Variants in CNTNAP5 observed in about 807,000 individuals in gnomAD.
CNTNAP5 encodes contactin associated protein family member 5, also known as contactin-associated protein-like 5.
In CNTNAP5, 72 loss-of-function variants were observed where a neutral mutation model predicts 150.2. That is an observed-to-expected ratio of 0.48 (90% CI 0.40 to 0.58). The LOEUF is 0.58. Ranked by LOEUF, CNTNAP5 falls within the 20% of genes least tolerant of loss-of-function variation. The pLI is 0.00. For synonymous variants in CNTNAP5, 672 were observed against 619.8 expected, an observed-to-expected ratio of 1.08 and a Z score of -1.25; for missense variants, 1,636 against 1,626.2, an observed-to-expected ratio of 1.01 and a Z score of -0.10.
At chr2:124,380,506 G>A (rs1690762601) in intron 3 of CNTNAP5, among the ~76,000 whole-genome samples, 1 of 152,152 alleles carries the variant, frequency 6.6e-6, no homozygotes, top group Admixed American at 6.6e-5. Context: ...AGTCCATTCT[G>A]TCTCCATCAA....
intron 13 of CNTNAP5, among the ~76,000 whole-genome samples, chr2:124,657,369 A>C (rs921619799): frequency 1.3e-5 from 2 of 152,022 alleles, no homozygotes; most frequent in Admixed American, 1.3e-4. Flanking sequence ...TGAGTTTTTT[A>C]AGACCAAAAC....
chr2:124,109,997 T>C (rs1172844570), intron 1 of CNTNAP5, among the ~76,000 whole-genome samples: 1 of 152,204 alleles, frequency 6.6e-6, no homozygotes, highest in Non-Finnish European at 1.5e-5. Flanking sequence ...CAACAAGTGC[T>C]CACAAGTACT....
At chr2:124,383,058 C>A (rs1400813381) in intron 3 of CNTNAP5, among the ~76,000 whole-genome samples, 1 of 152,168 alleles carries the variant, frequency 6.6e-6, no homozygotes, top group East Asian at 1.9e-4. Context: ...TGCATATACA[C>A]CTTCAGTTTC....
At chr2:124,608,318 G>A (rs1175385067) in intron 11 of CNTNAP5, among the ~76,000 whole-genome samples, 1 of 152,192 alleles carries the variant, frequency 6.6e-6, no homozygotes, top group Non-Finnish European at 1.5e-5. Context: ...ATATGAGACA[G>A]TAGATGTCTC....
intron 1 of CNTNAP5, among the ~76,000 whole-genome samples, chr2:124,188,715 T>G (rs1349598816): frequency 5.3e-5 from 1 of 18,904 alleles, no homozygotes; most frequent in Non-Finnish European, 1.1e-4. Flanking sequence ...AGACTCTGTC[T>G]CAAAAAAAAA....
chr2:124,462,118 T>C (rs1427891895), intron 6 of CNTNAP5, among the ~76,000 whole-genome samples: 1 of 151,932 alleles, frequency 6.6e-6, no homozygotes, highest in Non-Finnish European at 1.5e-5. Context: ...TGAAGAAGTC[T>C]CCAATCCCTA....
At chr2:124,861,123 C>T (rs761820962) in intron 19 of CNTNAP5, among the ~76,000 whole-genome samples, 1 of 151,244 alleles carries the variant, frequency 6.6e-6, no homozygotes, top group Admixed American at 6.6e-5. Context: ...AGGAGTGTAA[C>T]GATGTCTAGT....
At chr2:124,579,936 G>A (rs1696372328) in intron 11 of CNTNAP5, among the ~76,000 whole-genome samples, 1 of 152,232 alleles carries the variant, frequency 6.6e-6, no homozygotes, top group Non-Finnish European at 1.5e-5. Flanking sequence ...AAACCAAAGT[G>A]TAGTCACTTA....
At chr2:124,133,858 GTA>G (rs1354134477) in intron 1 of CNTNAP5, among the ~76,000 whole-genome samples, 1 of 152,162 alleles carries the variant, frequency 6.6e-6, no homozygotes, top group Non-Finnish European at 1.5e-5. Flanking sequence ...ACCCCATAGT[GTA>G]TATTTTATTG....
At chr2:124,713,241 T>C (rs201901746) in intron 13 of CNTNAP5, among the ~76,000 whole-genome samples, 14 of 56,026 alleles carry the variant, frequency 2.5e-4, no homozygotes, top group South Asian at 7.6e-4. Flanking sequence ...CTTTCTTTCT[T>C]TCTCTTTCTT....
intron 3 of CNTNAP5, among the ~76,000 whole-genome samples, chr2:124,339,153 T>A (rs1051751788): frequency 2.0e-5 from 3 of 152,132 alleles, no homozygotes; most frequent in Non-Finnish European, 4.4e-5. Flanking sequence ...ATAAAGAAAG[T>A]TCTTGGACTT....
intron 3 of CNTNAP5, among the ~76,000 whole-genome samples, chr2:124,244,475 T>C (rs1028096296): frequency 2.0e-5 from 3 of 152,132 alleles, no homozygotes; most frequent in African/African-American, 7.2e-5. Flanking sequence ...CAGGTAGAAG[T>C]TGCTGGATGG....
In CNTNAP5 at chr2:124,772,987, C is replaced by A; in HGVS notation, c.2722C>A (p.Arg908=). The A allele has an allele frequency of 6.2e-7, 1 of 1,613,254 alleles. No homozygotes were observed. Among genetic ancestry groups the A allele is most frequent in the South Asian group, 1.1e-5 (1 of 91,048 alleles). The part of the protein sequence containing the change: ...TRETSEEGHF[R]LQLNSQLFVG... ...GGAGACGTCGGAGGAGGGCCATTTT[C>A]GACTGCAGCTGAACAGCCAGTTGTT... Residue 908 remains arginine, a synonymous_variant, in exon 17 of 24, where the codon CGA becomes AGA. Transcript: ENST00000682447.
At chr2:124,811,797 C>A (rs1394483091) in intron 19 of CNTNAP5, among the ~76,000 whole-genome samples, 1 of 149,092 alleles carries the variant, frequency 6.7e-6, no homozygotes, top group South Asian at 2.1e-4. Flanking sequence ...AAAAAGTTAG[C>A]TGGGCGTGGT....
intron 13 of CNTNAP5, among the ~76,000 whole-genome samples, chr2:124,660,454 T>C (rs939462949): frequency 6.6e-6 from 1 of 152,196 alleles, no homozygotes; most frequent in Admixed American, 6.5e-5. Context: ...ACAAGCCACA[T>C]GGGCAATTTA....
chr2:124,586,832 G>C (rs1696548329), intron 11 of CNTNAP5, among the ~76,000 whole-genome samples: 1 of 152,144 alleles, frequency 6.6e-6, no homozygotes. Context: ...AGATTTCCTG[G>C]AGACTCTGAT....
At chr2:124,798,060 G>T (rs1290017442) in intron 18 of CNTNAP5, 36 bp from the exon 19 acceptor site, 1 of 1,499,450 alleles carries the variant, frequency 6.7e-7, no homozygotes, top group South Asian at 1.2e-5. Flanking sequence ...GGATCTAAAG[G>T]TTTCAATGTG....
At chr2:124,039,714 T>C (rs1167970671) in intron 1 of CNTNAP5, among the ~76,000 whole-genome samples, 1 of 152,138 alleles carries the variant, frequency 6.6e-6, no homozygotes, top group East Asian at 1.9e-4. Context: ...TACACTGCGC[T>C]CTCTCCTCCC....
intron 21 of CNTNAP5, among the ~76,000 whole-genome samples, chr2:124,880,836 A>G (rs906502622): frequency 6.6e-6 from 1 of 152,138 alleles, no homozygotes. Context: ...CATAAAAAGA[A>G]GAGATCATTT....
Sources: gnomAD v4.1 joint callset for allele counts (sites outside exome capture counted in the v4.1 genomes callset) on GRCh38, gnomAD v4.1.1 for gene constraint, MANE v1.5 for transcripts, NCBI Gene and HGNC (gene_info 2026-07-23, HGNC 2026-07-21) for gene names.